Variants in DYNC1H1 observed in about 807,000 individuals in gnomAD.
DYNC1H1 encodes the protein cytoplasmic dynein 1 heavy chain 1.
A neutral mutation model predicts 527.1 loss-of-function variants in DYNC1H1; 51 were observed. The observed-to-expected ratio is 0.10, with a 90% confidence interval of 0.08 to 0.12. DYNC1H1 has a LOEUF of 0.12. DYNC1H1 is among the 10% of genes least tolerant of loss of function. The pLI is 1.00. For missense variants in DYNC1H1, 2,771 were observed against 5,971.8 expected, an observed-to-expected ratio of 0.46 and a Z score of 17.66; for synonymous variants, 2,189 against 2,278.8, an observed-to-expected ratio of 0.96 and a Z score of 1.12.
chr14:102,029,521 G>A lies in DYNC1H1; in HGVS notation c.9469-18G>A. 3.1e-6 allele frequency: 5 copies of A among 1,614,122 alleles called. No individual in the cohort carries two copies. Among genetic ancestry groups the A allele is most frequent in the Non-Finnish European group, 4.2e-6 (5 of 1,179,994 alleles). ...AGAGTTTCCTGAAGAGTGAGAAGAT[G>A]TAACTATTTTCTGAAAGGCGAATGC... On this transcript the variant is annotated intron_variant, in intron 48 of 77. Transcript: ENST00000360184. The surrounding 1 kb of genome is among the most constrained non-coding windows in gnomAD (Gnocchi z 5.3).
In DYNC1H1 at chr14:102,010,033, A is replaced by T. The variant is rs1367937657; in HGVS notation, c.6168A>T (p.Ser2056=). The T allele has an allele frequency of 1.2e-6, 2 of 1,613,892 alleles. No individual in the cohort carries two copies. The highest frequency in any genetic ancestry group is 2.7e-5 in the African/African-American group (2 of 74,914). The change falls in exon 30 of 78, where the codon TCA becomes TCT. Residue 2056 remains serine, a synonymous_variant. Coordinates refer to ENST00000360184, the MANE Select transcript of DYNC1H1 (RefSeq NM_001376.5). This position sits in a 1 kb window ranked among gnomAD's most constrained non-coding sequence, Gnocchi z 6.0. ...TAATCGCCCAGGTCATGCTGTACTC[A>T]CAGGGTTTCCGCACTGCTGAAGTGC... ...RQLIAQVMLY[S]QGFRTAEVLA... is the part of the protein sequence containing the mutation.
chr14:101,974,726 G>A (rs1326847143), intron 1 of DYNC1H1, among the ~76,000 whole-genome samples: 5 of 152,010 alleles, frequency 3.3e-5, no homozygotes, highest in Non-Finnish European at 7.4e-5. Flanking sequence ...ATTGAGACAT[G>A]GTTTCACCAT....
chr14:102,049,688 C>T lies in DYNC1H1; in HGVS notation c.13516-26C>T, dbSNP rs374104574. 6.4e-5 allele frequency: 103 copies of T among 1,613,734 alleles called. No individual in the cohort carries two copies. Among genetic ancestry groups the T allele is most frequent in the Non-Finnish European group, 8.3e-5 (98 of 1,180,032 alleles). On this transcript the variant is annotated intron_variant, in intron 75 of 77. Coordinates refer to ENST00000360184, the MANE Select transcript of DYNC1H1 (RefSeq NM_001376.5). The surrounding 1 kb of genome is among the most constrained non-coding windows in gnomAD (Gnocchi z 5.5). ...GGCCCAGGTCTGACCTGAGCTCCTTCCCCTGGGGGCTGCTGCTTTCCACAG... is the reference window on the plus strand; with the variant it reads ...GGCCCAGGTCTGACCTGAGCTCCTTTCCCTGGGGGCTGCTGCTTTCCACAG...
intron 73 of DYNC1H1, 154 bp from the exon 74 acceptor site, chr14:102,048,362 C>T (rs1420381153): frequency 4.7e-6 from 5 of 1,060,862 alleles, no homozygotes; most frequent in African/African-American, 1.6e-5. Context: ...CACACAAGCT[C>T]GGTTCCAAGT....
intron 51 of DYNC1H1, chr14:102,030,671 CTAGCTA>C: frequency 3.5e-6 from 1 of 289,130 alleles, no homozygotes; most frequent in Non-Finnish European, 6.7e-6. Context: ...TCTGAGTGTT[CTAGCTA>C]TGACCCAATT....
chr14:102,032,875 A>G, intron 52 of DYNC1H1, 190 bp from the exon 53 acceptor site: 1 of 636,928 alleles, frequency 1.6e-6, no homozygotes, highest in Non-Finnish European at 2.7e-6. Context: ...GAAAGAAAAA[A>G]ATTGTTCAAG....
chr14:102,049,743 C>G lies in DYNC1H1; in HGVS notation c.13545C>G (p.Phe4515Leu), dbSNP rs754081062. Residue 4515 changes from phenylalanine (F) to leucine (L), a missense_variant, in exon 76 of 78, where the codon TTC (phenylalanine) becomes TTG (leucine). By Grantham distance (22) the Phe-to-Leu change is conservative (BLOSUM62 0). Transcript: ENST00000360184. The surrounding 1 kb of genome is among the most constrained non-coding windows in gnomAD (Gnocchi z 5.5). ...TCCACGTGTGCCTGGGTGGCCTGTT[C>G]GTGCCTGAGGCGTACATCACTGCCA... The part of the protein sequence containing the change: ...KNIHVCLGGL[F>L]VPEAYITATR... The G allele has an allele frequency of 6.2e-7, 1 of 1,613,892 alleles. No homozygotes were observed. Among genetic ancestry groups the G allele is most frequent in the Non-Finnish European group, 8.5e-7 (1 of 1,180,028 alleles).
In DYNC1H1 at chr14:102,044,095, A is replaced by ATGCTGC. The variant is rs762647339; in HGVS notation, c.12684+51_12684+56dup. 1 of 1,607,954 alleles carries ATGCTGC rather than the reference A, an allele frequency of 6.2e-7. No homozygotes were observed. Among genetic ancestry groups the ATGCTGC allele is most frequent in the Admixed American group, 1.7e-5 (1 of 59,594 alleles). ...GACAGTGGACGTGTATCTGGGAAGG[A>ATGCTGC]TGCTGCAGGGCGTGGTGCTGAGAGG... On this transcript the variant is annotated intron_variant, in intron 70 of 77. Transcript: ENST00000360184. The surrounding 1 kb of genome is among the most constrained non-coding windows in gnomAD (Gnocchi z 7.1).
rs973388194 is a variant in DYNC1H1 at position 102,036,797 on chromosome 14, T to C, written c.10908+155T>C. ...GTAATAGATAAATTCAACAGAATCA[T>C]TATTTGCATTTAAAATTCTATTCAG... On this transcript the variant is annotated intron_variant, in intron 57 of 77. Coordinates refer to ENST00000360184, the MANE Select transcript of DYNC1H1 (RefSeq NM_001376.5). This position sits in a 1 kb window ranked among gnomAD's most constrained non-coding sequence, Gnocchi z 5.6. 5 of 1,061,170 alleles carry C rather than the reference T, an allele frequency of 4.7e-6. No individual in the cohort carries two copies. The highest frequency in any genetic ancestry group is 1.6e-5 in the African/African-American group (1 of 63,382). 65.7% of individuals were successfully genotyped at this position (1,061,170 alleles called of 1,614,324 possible). A position where few individuals can be genotyped will look rare whatever the true frequency, so the allele number is the denominator to read the frequency against.
chr14:102,043,494 C>A (rs1365757968), intron 69 of DYNC1H1: 1 of 354,156 alleles, frequency 2.8e-6, no homozygotes, highest in Non-Finnish European at 5.5e-6. Flanking sequence ...CAGCACAGGC[C>A]CCCAAGACCA....
chr14:101,984,445 A>ATTTT lies in DYNC1H1; in HGVS notation c.1461+838_1461+839insTTTT, dbSNP rs1444213016. On this transcript the variant is annotated intron_variant, in intron 7 of 77. Transcript: ENST00000360184. The stretch of plus-strand genomic sequence containing the variant: ...TGTGTGTGTGTGTATATATATATAT[A>ATTTT]TTATATTTTTTTTTTTTTTTTTTTT... Among the ~76,000 whole-genome samples the ATTTT allele has an allele frequency of 4.4e-4, 41 of 92,842 alleles. 4 individuals are homozygous for ATTTT. The highest frequency in any genetic ancestry group is 2.0e-3 in the African/African-American group (35 of 17,228). The allele number at this position is 92,842 out of a possible 152,430, so 60.9% of individuals were successfully genotyped here.
In DYNC1H1 at chr14:102,033,424, C is replaced by T. The variant is rs752990027; in HGVS notation, c.10353C>T (p.Tyr3451=). The change falls in exon 54 of 78, where the codon TAC becomes TAT. Residue 3451 remains tyrosine, a synonymous_variant. Coordinates refer to ENST00000360184, the MANE Select transcript of DYNC1H1 (RefSeq NM_001376.5). This position sits in a 1 kb window ranked among gnomAD's most constrained non-coding sequence, Gnocchi z 5.6. ...EASIARYKEE[Y]AVLISEAQAI... is the part of the protein sequence containing the mutation. ...GCATCGCCCGCTACAAGGAGGAATACGCCGTCCTGATCTCAGAGGCCCAGG... is the reference window on the plus strand; with the variant it reads ...GCATCGCCCGCTACAAGGAGGAATATGCCGTCCTGATCTCAGAGGCCCAGG... The T allele has an allele frequency of 2.0e-5, 32 of 1,614,046 alleles. No homozygotes were observed. In the East Asian group the frequency reaches 4.7e-4, roughly 24 times the overall value.
In DYNC1H1 at chr14:102,010,957, C is replaced by T. The variant is rs777017923; in HGVS notation, c.6618+5C>T. On this transcript the variant is annotated splice_donor_5th_base_variant and intron_variant, in intron 32 of 77. Transcript: ENST00000360184. The surrounding 1 kb of genome is among the most constrained non-coding windows in gnomAD (Gnocchi z 6.0). Reference sequence around the variant, plus strand: ...GGTGGAATGTGGGTTGAAAAGGTAACTTGGATTGTTTCACTGGCCACTGCC... The same window carrying T: ...GGTGGAATGTGGGTTGAAAAGGTAATTTGGATTGTTTCACTGGCCACTGCC... 1.9e-6 allele frequency: 3 copies of T among 1,614,186 alleles called. No homozygotes were observed. The highest frequency in any genetic ancestry group is 2.5e-6 in the Non-Finnish European group (3 of 1,180,020).
chr14:102,002,081 T>C lies in DYNC1H1; in HGVS notation c.4542+400T>C, dbSNP rs2048137391. On this transcript the variant is annotated intron_variant, in intron 21 of 77. Transcript: ENST00000360184. This position sits in a 1 kb window ranked among gnomAD's most constrained non-coding sequence, Gnocchi z 4.4. ...AGTCACCACAGCCAGTCAATACTTG[T>C]TTTTTTGTTTGTTTGCTTGCTTTTT... Among the ~76,000 whole-genome samples the C allele has an allele frequency of 6.6e-6, 1 of 151,984 alleles. No individual in the cohort carries two copies. The highest frequency in any genetic ancestry group is 2.4e-5 in the African/African-American group (1 of 41,362).
chr14:101,979,530 G>A lies in DYNC1H1; in HGVS notation c.518+38G>A, dbSNP rs753142093. 3.1e-6 allele frequency: 5 copies of A among 1,613,382 alleles called. No individual in the cohort carries two copies. The South Asian group carries it at 5.5e-5, about 18-fold the overall frequency. On this transcript the variant is annotated intron_variant, in intron 3 of 77. Transcript: ENST00000360184. The surrounding 1 kb of genome is among the most constrained non-coding windows in gnomAD (Gnocchi z 4.6). ...GTTTGAATGTTATATTTCACTTAAT[G>A]TTCACAAGATAGTATAGAACTCGGT...
chr14:101,990,558 A>G (rs1397516957), intron 10 of DYNC1H1, among the ~76,000 whole-genome samples: 1 of 152,178 alleles, frequency 6.6e-6, no homozygotes, highest in African/African-American at 2.4e-5. Context: ...TAATTTAGAG[A>G]GAGAAAGTGT....
chr14:101,973,977 C>T (rs2047770160), intron 1 of DYNC1H1, among the ~76,000 whole-genome samples: 1 of 152,176 alleles, frequency 6.6e-6, no homozygotes, highest in Non-Finnish European at 1.5e-5. Context: ...ACTGCCTGCT[C>T]CACCACCCAT....
chr14:102,006,979 C>G (rs184857417), intron 27 of DYNC1H1, 29 bp from the exon 28 acceptor site: 7 of 1,604,396 alleles, frequency 4.4e-6, no homozygotes, highest in Middle Eastern at 1.7e-4. Flanking sequence ...GTAATGGACT[C>G]AAGCACTCTG....
At chr14:101,984,379 GTGTA>G (rs1353669763) in intron 7 of DYNC1H1, among the ~76,000 whole-genome samples, 1 of 147,412 alleles carries the variant, frequency 6.8e-6, no homozygotes, top group African/African-American at 2.6e-5. Context: ...GTGTGTGTGT[GTGTA>G]TATATATATG....
Sources: gnomAD v4.1 joint callset for allele counts (sites outside exome capture counted in the v4.1 genomes callset) on GRCh38, gnomAD v4.1.1 for gene constraint, Gnocchi (gnomAD v3.1) non-coding constraint, MANE v1.5 for transcripts, NCBI Gene and HGNC (gene_info 2026-07-23, HGNC 2026-07-21) for gene names.